MCF2L: variants seen among roughly 807,000 people sequenced by gnomAD.
MCF2L encodes MCF.2 cell line derived transforming sequence like, also known as guanine nucleotide exchange factor DBS.
MCF2L carries 97 observed loss-of-function variants against 153.4 expected under a neutral mutation model. The ratio of observed to expected loss-of-function variants is 0.63; its 90% CI spans 0.54 to 0.75. The LOEUF is 0.75. Ranked by LOEUF, MCF2L falls within the 30% of genes least tolerant of loss-of-function variation. MCF2L has a pLI of 0.00. For missense variants in MCF2L, 1,347 were observed against 1,495.2 expected, an observed-to-expected ratio of 0.90 and a Z score of 1.64; for synonymous variants, 659 against 632.2, an observed-to-expected ratio of 1.04 and a Z score of -0.64.
intron 2 of MCF2L, among the ~76,000 whole-genome samples, chr13:113,017,411 G>C (rs1383211400): frequency 1.3e-5 from 2 of 152,192 alleles, no homozygotes; most frequent in African/African-American, 4.8e-5. Context: ...CTGCCTCAAA[G>C]CCCCTCTGCC....
chr13:113,088,610 C>A lies in MCF2L; in HGVS notation c.2816C>A (p.Pro939Gln). Residue 939 changes from proline to glutamine, a missense_variant, in exon 25 of 30, where the codon CCG (proline) becomes CAG (glutamine). By Grantham distance (76) the Pro-to-Gln change is moderately conservative. This residue lies in a region of MCF2L where 383 missense variants were observed against 335.4 expected (regional missense o/e 1.14). Coordinates refer to ENST00000535094, the MANE Select transcript of MCF2L (RefSeq NM_001112732.3). ...GAGCAGTCACAGAGCCTGCCCCTGC[C>A]GGCCCCGACCAGCACCAGGTGAGAA... The part of the protein sequence containing the change: ...ALEQSQSLPL[P>Q]APTSTSPSRG... 6.2e-7 allele frequency: 1 copy of A among 1,608,130 alleles called. No individual in the cohort carries two copies. The highest frequency in any genetic ancestry group is 8.5e-7 in the Non-Finnish European group (1 of 1,179,838).
chr13:112,978,620 C>A (rs1404245691), intron 1 of MCF2L, among the ~76,000 whole-genome samples: 1 of 152,222 alleles, frequency 6.6e-6, no homozygotes, highest in Non-Finnish European at 1.5e-5. Flanking sequence ...TCTGGGAGCG[C>A]CTGTGCAGGG....
chr13:112,955,115 C>T (rs1055769907), intron 2 of MCF2L, among the ~76,000 whole-genome samples: 5 of 152,140 alleles, frequency 3.3e-5, no homozygotes, highest in East Asian at 1.9e-4. Context: ...CTCAGGGACC[C>T]GAGGGAAAGC....
intron 1 of MCF2L, among the ~76,000 whole-genome samples, chr13:112,900,580 G>A (rs1235800517): frequency 6.6e-6 from 1 of 152,156 alleles, no homozygotes; most frequent in Non-Finnish European, 1.5e-5. Flanking sequence ...GAACACCAAG[G>A]GGTGAGTGTG....
chr13:112,913,417 C>T (rs2081256871), intron 2 of MCF2L, among the ~76,000 whole-genome samples: 1 of 152,080 alleles, frequency 6.6e-6, no homozygotes, highest in African/African-American at 2.4e-5. Context: ...AGATGTGTGG[C>T]CGTCATGATG....
At position 112,941,714 on chromosome 13, in the gene MCF2L, G is replaced by A. The variant is rs910187132; in HGVS notation, c.169+39343G>A. On this transcript the variant is annotated intron_variant, in intron 2 of 29. Coordinates refer to the MCF2L transcript ENST00000375608. The surrounding 1 kb of genome is among the most constrained non-coding windows in gnomAD (Gnocchi z 4.9). The stretch of plus-strand genomic sequence containing the variant: ...CAGTATAATAAAATATATAAAATAA[G>A]AATAGTTATACTAGATATCGATCTT... Among the ~76,000 whole-genome samples the A allele has an allele frequency of 6.6e-6, 1 of 152,032 alleles. No homozygotes were observed. The highest frequency in any genetic ancestry group is 2.4e-5 in the African/African-American group (1 of 41,380).
rs745429431 is a variant in MCF2L at position 113,096,478 on chromosome 13, C to T, written c.3183C>T (p.Gly1061=). Residue 1061 remains glycine, a synonymous_variant, in exon 28 of 30, where the codon GGC becomes GGT. Transcript: ENST00000535094. ...VVELVQEGDE[G]LWYVRDPTTG... ...AGCTGGTGCAGGAGGGCGACGAGGG[C>T]CTCTGGTAAGACCCCGCGCTCAGCC... 2.5e-6 allele frequency: 4 copies of T among 1,587,706 alleles called. No individual in the cohort carries two copies. Among genetic ancestry groups the T allele is most frequent in the Non-Finnish European group, 3.4e-6 (4 of 1,168,394 alleles).
chr13:112,934,191 G>A (rs905872132), intron 2 of MCF2L, among the ~76,000 whole-genome samples: 3 of 152,196 alleles, frequency 2.0e-5, no homozygotes, highest in South Asian at 4.1e-4. Context: ...CCCCCTGCTT[G>A]CCACAGGAAT....
chr13:113,047,066 G>GTGA (rs1432272438), intron 4 of MCF2L: 1 of 162,818 alleles, frequency 6.1e-6, no homozygotes, highest in Admixed American at 6.4e-5. Flanking sequence ...GCATCACATG[G>GTGA]TGAGAGAGGG....
chr13:112,908,595 C>T (rs2081196221), intron 2 of MCF2L, among the ~76,000 whole-genome samples: 1 of 152,174 alleles, frequency 6.6e-6, no homozygotes, highest in Non-Finnish European at 1.5e-5. Flanking sequence ...GAGTGCTCTA[C>T]AATATGTGCT....
At chr13:112,921,136 C>T (rs1429655046) in intron 2 of MCF2L, among the ~76,000 whole-genome samples, 1 of 152,052 alleles carries the variant, frequency 6.6e-6, no homozygotes, top group Non-Finnish European at 1.5e-5. Context: ...GAGATTGCAC[C>T]ACTGCACTCT....
chr13:112,938,110 GCGC>G, intron 2 of MCF2L, among the ~76,000 whole-genome samples: 1 of 138,874 alleles, frequency 7.2e-6, no homozygotes, highest in East Asian at 2.1e-4. Context: ...GTTCAGGTGA[GCGC>G]TGAGGGGTTG....
chr13:112,905,946 T>C (rs1219264130), intron 2 of MCF2L, among the ~76,000 whole-genome samples: 2 of 152,194 alleles, frequency 1.3e-5, no homozygotes, highest in East Asian at 1.9e-4. Flanking sequence ...GAAACCATGA[T>C]AGAAGGTGAT....
Position 113,074,468 on chromosome 13 carries a change from T to C in MCF2L, c.1021T>C (p.Ser341Pro). 2 of 1,613,974 alleles carry C rather than the reference T, an allele frequency of 1.2e-6. No homozygotes were observed. The highest frequency in any genetic ancestry group is 1.7e-6 in the Non-Finnish European group (2 of 1,179,966). Residue 341 changes from serine (S) to proline (P), a missense_variant, in exon 10 of 30, where the codon TCC becomes CCC. By Grantham distance (74) the Ser-to-Pro change is moderately conservative. Coordinates refer to ENST00000535094, the MANE Select transcript of MCF2L (RefSeq NM_001112732.3). The surrounding 1 kb of genome is among the most constrained non-coding windows in gnomAD (Gnocchi z 4.2). ...REVKAILDAASQKIATFTDIG... is the reference protein window; with the variant it reads ...REVKAILDAAPQKIATFTDIG... ...GGTCAAAGCCATCTTGGACGCAGCG[T>C]CCCAGAAGATAGCAACCTTCACAGA...
chr13:113,010,590 G>A (rs935127232), intron 1 of MCF2L, among the ~76,000 whole-genome samples: 22 of 152,188 alleles, frequency 1.4e-4, no homozygotes, highest in African/African-American at 5.1e-4. Context: ...TGCTGGGGAT[G>A]GGCAGGGGCA....
chr13:112,911,060 C>T lies in MCF2L; in HGVS notation c.169+8689C>T, dbSNP rs901810804. Among the ~76,000 whole-genome samples, 6 of 152,182 alleles carry T rather than the reference C, an allele frequency of 3.9e-5. No homozygotes were observed. In the East Asian group the frequency reaches 5.8e-4, roughly 15 times the overall value. ...TCTCGCCCCTGCCCTGGGACCTGGCCGCTCCCCGGCGTCAGCTGGTGCATG... is the reference window on the plus strand; with the variant it reads ...TCTCGCCCCTGCCCTGGGACCTGGCTGCTCCCCGGCGTCAGCTGGTGCATG... On this transcript the variant is annotated intron_variant, in intron 2 of 29. Transcript: ENST00000375608.
intron 1 of MCF2L, among the ~76,000 whole-genome samples, chr13:112,976,240 G>A (rs1487359857): frequency 2.0e-5 from 3 of 151,608 alleles, no homozygotes; most frequent in African/African-American, 7.3e-5. Flanking sequence ...TAATGTTAAA[G>A]AAATGAGACA....
chr13:113,077,180 G>A lies in MCF2L; in HGVS notation c.1629G>A (p.Glu543=). The A allele has an allele frequency of 1.2e-6, 2 of 1,603,998 alleles. No individual in the cohort carries two copies. The highest frequency in any genetic ancestry group is 1.7e-6 in the Non-Finnish European group (2 of 1,174,950). The change falls in exon 13 of 30, where the codon GAG becomes GAA. Residue 543 remains glutamate, a synonymous_variant. Coordinates refer to ENST00000535094, the MANE Select transcript of MCF2L (RefSeq NM_001112732.3). ...TGCAGCCGGTGGCCCCCAGACCCGA[G>A]GCACTGGCAAAGTCGCCCTGCCCCT... ...RPVQPVAPRP[E]ALAKSPCPSP...
intron 1 of MCF2L, among the ~76,000 whole-genome samples, chr13:112,992,169 C>G (rs1030256212): frequency 1.3e-5 from 2 of 152,298 alleles, no homozygotes; most frequent in African/African-American, 4.8e-5. Flanking sequence ...GTGCGTGAAA[C>G]ATAAATGAAT....
Sources: allele counts gnomAD v4.1 joint callset (sites outside exome capture counted in the v4.1 genomes callset), GRCh38; gene constraint gnomAD v4.1.1; regional missense constraint gnomAD v4.1.1; non-coding constraint Gnocchi (gnomAD v3.1); transcripts MANE v1.5; gene names NCBI Gene and HGNC (gene_info 2026-07-23, HGNC 2026-07-21).